CLEC4G: variants seen among roughly 807,000 people sequenced by gnomAD.
The protein encoded by CLEC4G is C-type lectin domain family 4 member G, also known as C-type lectin superfamily 4, member G.
In CLEC4G, 34 loss-of-function variants were observed where a neutral mutation model predicts 37.0. The ratio of observed to expected loss-of-function variants is 0.92; its 90% CI spans 0.70 to 1.22. CLEC4G has a LOEUF of 1.22. Ranked by LOEUF, CLEC4G falls within the 50% of genes most tolerant of loss-of-function variation. The pLI, the probability that CLEC4G is intolerant of heterozygous loss-of-function variation, is 0.00. For missense variants in CLEC4G, 390 were observed against 392.9 expected (o/e 0.99, Z 0.06); for synonymous variants, 167 against 165.6 (o/e 1.01, Z -0.06).
At position 7,731,690 on chromosome 19, in the gene CLEC4G, G is replaced by T; in HGVS notation, c.137C>A (p.Ala46Asp). The change falls in exon 2 of 9, where the codon GCT (alanine) becomes GAT (aspartate). Residue 46 changes from alanine to aspartate, a missense_variant. Transcript: ENST00000328853. ...LAVLVTTVLW[A>D]VILSILLSKA... ...GGACAATAGGATACTCAGAATCACA[G>T]CCCAAAGGACTGTGGTGACCAGGAC... 1 of 1,614,106 alleles carries T rather than the reference G, an allele frequency of 6.2e-7. No individual in the cohort carries two copies. The highest frequency in any genetic ancestry group is 1.1e-5 in the South Asian group (1 of 91,076).
Position 7,729,900 on chromosome 19 carries a change from A to G in CLEC4G, c.664T>C (p.Trp222Arg), listed in dbSNP as rs1178468842. Residue 222 changes from tryptophan (W) to arginine (R), a missense_variant, in exon 8 of 9, where the codon TGG (tryptophan) becomes CGG (arginine). Coordinates refer to ENST00000328853, the MANE Select transcript of CLEC4G (RefSeq NM_198492.4). The part of the protein sequence containing the change: ...LTRNTRGRGY[W>R]LGLRAVRHLG... ...TGGCGCACAGCCCTCAGGCCCAGCCAGTAACCACGGCCACGCGTGTTCCGA... is the reference window on the plus strand; with the variant it reads ...TGGCGCACAGCCCTCAGGCCCAGCCGGTAACCACGGCCACGCGTGTTCCGA... 2 of 1,614,052 alleles carry G rather than the reference A, an allele frequency of 1.2e-6. No individual in the cohort carries two copies. The highest frequency in any genetic ancestry group is 1.3e-5 in the African/African-American group (1 of 74,928).
intron 1 of CLEC4G, 133 bp downstream of exon 1, chr19:7,731,915 C>A: frequency 6.7e-7 from 1 of 1,487,274 alleles, no homozygotes; most frequent in East Asian, 2.4e-5. Flanking sequence ...GAATTGGACC[C>A]TGGTCCAACT....
In CLEC4G at chr19:7,729,949, G is replaced by T; in HGVS notation, c.628-13C>A. 6.2e-7 allele frequency: 1 copy of T among 1,613,586 alleles called. No individual in the cohort carries two copies. Among genetic ancestry groups the T allele is most frequent in the Non-Finnish European group, 8.5e-7 (1 of 1,179,868 alleles). On this transcript the variant is annotated splice_polypyrimidine_tract_variant and intron_variant, in intron 7 of 8. Coordinates refer to ENST00000328853, the MANE Select transcript of CLEC4G (RefSeq NM_198492.4). ...GAGTGAGGAAGCCCTAGAAAGGAGG[G>T]GACATCTGAGCCTGCAGAGTCCGCC...
chr19:7,731,224 C>G (rs933129735), intron 3 of CLEC4G, 42 bp downstream of exon 3: 94 of 1,576,072 alleles, frequency 6.0e-5, no homozygotes, highest in Non-Finnish European at 7.6e-5. Context: ...AAACTCCCGC[C>G]CCTCACGCCC....
Position 7,732,044 on chromosome 19 carries a change from A to T in CLEC4G, c.55+4T>A. On this transcript the variant is annotated splice_donor_region_variant and intron_variant, in intron 1 of 8. Transcript: ENST00000328853. The stretch of plus-strand genomic sequence containing the variant: ...CAGGGATGGGGCAGTCTCCTTGCTC[A>T]TACCTCCGGGGACCTCCTCGGAGCT... The T allele has an allele frequency of 6.2e-7, 1 of 1,602,900 alleles. No individual in the cohort carries two copies. The highest frequency in any genetic ancestry group is 1.7e-4 in the Middle Eastern group (1 of 6,034).
Position 7,730,909 on chromosome 19 carries a change from C to CTTCG in CLEC4G, c.284-54_284-51dup. 3.9e-6 allele frequency: 6 copies of CTTCG among 1,519,274 alleles called. No individual in the cohort carries two copies. The highest frequency in any genetic ancestry group is 5.3e-6 in the Non-Finnish European group (6 of 1,139,040). The allele number at this position is 1,519,274 out of a possible 1,614,324, so 94.1% of individuals were successfully genotyped here. A position where few individuals can be genotyped will look rare whatever the true frequency, so the allele number is the denominator to read the frequency against. On this transcript the variant is annotated intron_variant, in intron 4 of 8. Coordinates refer to ENST00000328853, the MANE Select transcript of CLEC4G (RefSeq NM_198492.4). This position sits in a 1 kb window ranked among gnomAD's most constrained non-coding sequence, Gnocchi z 7.3. ...CGAGGGCGGCGAGGATGGGGCGGGA[C>CTTCG]TTCGGAGACCAGCCCCCGCCCCGCA...
intron 2 of CLEC4G, 120 bp from the exon 3 acceptor site, chr19:7,731,439 G>A: frequency 6.7e-7 from 1 of 1,491,060 alleles, no homozygotes; most frequent in African/African-American, 1.4e-5. Context: ...CAGCTCACAC[G>A]ATGTGCACAC....
chr19:7,729,989 C>A (rs757283246), intron 7 of CLEC4G, 30 bp downstream of exon 7: 2 of 1,602,032 alleles, frequency 1.2e-6, no homozygotes, highest in Non-Finnish European at 1.7e-6. Context: ...CCTGCCCCAC[C>A]GCCTGACCAC....
Position 7,729,816 on chromosome 19 carries a change from C to T in CLEC4G, c.743+5G>A. On this transcript the variant is annotated splice_donor_5th_base_variant and intron_variant, in intron 8 of 8. Transcript: ENST00000328853. ...CCCAGGTCTCACCAGGAGCCTTTCC[C>T]TCACCTGAAGCTGAGAGAGACTCCG... The T allele has an allele frequency of 3.1e-6, 5 of 1,614,074 alleles. No individual in the cohort carries two copies. Among genetic ancestry groups the T allele is most frequent in the South Asian group, 2.2e-5 (2 of 91,070 alleles).
chr19:7,729,840 C>T lies in CLEC4G; in HGVS notation c.724G>A (p.Gly242Arg), dbSNP rs866056649. 1.2e-6 allele frequency: 2 copies of T among 1,614,158 alleles called. No individual in the cohort carries two copies. Among genetic ancestry groups the T allele is most frequent in the East Asian group, 2.2e-5 (1 of 44,874 alleles). ...CCTCACCTGAAGCTGAGAGAGACTC[C>T]GTCCACCCACTGGTAGCCCTGAACC... ...GKVQGYQWVDGVSLSFSHWNQ... is the reference protein window; with the variant it reads ...GKVQGYQWVDRVSLSFSHWNQ... The change falls in exon 8 of 9, where the codon GGA becomes AGA. Residue 242 changes from glycine (G) to arginine (R), a missense_variant. Transcript: ENST00000328853.
chr19:7,730,549 A>G lies in CLEC4G; in HGVS notation c.389-109T>C. On this transcript the variant is annotated intron_variant, in intron 5 of 8. Transcript: ENST00000328853. This position sits in a 1 kb window ranked among gnomAD's most constrained non-coding sequence, Gnocchi z 7.3. ...CTGTGGTCATTGTACCCTCGGTGCC[A>G]GCGTCCAGGATGGCACAGGGTCAAG... 1 of 1,494,530 alleles carries G rather than the reference A, an allele frequency of 6.7e-7. No homozygotes were observed. Among genetic ancestry groups the G allele is most frequent in the Non-Finnish European group, 8.9e-7 (1 of 1,126,186 alleles). The allele number at this position is 1,494,530 out of a possible 1,614,324, so 92.6% of individuals were successfully genotyped here. A position where few individuals can be genotyped will look rare whatever the true frequency, so the allele number is the denominator to read the frequency against.
At position 7,729,936 on chromosome 19, in the gene CLEC4G, C is replaced by G; in HGVS notation, c.628G>C (p.Gly210Arg). 6.2e-7 allele frequency: 1 copy of G among 1,613,944 alleles called. No homozygotes were observed. Among genetic ancestry groups the G allele is most frequent in the Non-Finnish European group, 8.5e-7 (1 of 1,179,974 alleles). The change falls in exon 8 of 9, where the codon GGC (glycine) becomes CGC (arginine). Residue 210 changes from glycine (G) to arginine (R), a missense_variant and splice_region_variant. Physicochemically the swap from Gly to Arg is moderately radical, Grantham distance 125. Transcript: ENST00000328853. ...CCACGCGTGTTCCGAGTGAGGAAGC[C>G]CTAGAAAGGAGGGGACATCTGAGCC... ...LVIVGGLDEQGFLTRNTRGRG... is the reference protein window; with the variant it reads ...LVIVGGLDEQRFLTRNTRGRG...
At position 7,730,585 on chromosome 19, in the gene CLEC4G, A is replaced by C. The variant is rs918094131; in HGVS notation, c.389-145T>G. 8 of 1,453,546 alleles carry C rather than the reference A, an allele frequency of 5.5e-6. No individual in the cohort carries two copies. The African/African-American group carries it at 8.5e-5, about 15-fold the overall frequency. 90.0% of individuals were successfully genotyped at this position (1,453,546 alleles called of 1,614,324 possible). On this transcript the variant is annotated intron_variant, in intron 5 of 8. Transcript: ENST00000328853. The surrounding 1 kb of genome is among the most constrained non-coding windows in gnomAD (Gnocchi z 7.3). ...TGGCACAGGGTCAAGGGCGGTTACA[A>C]CTGGGCAGGGTCCGGGTGTGGCCGG...
rs2033420517 is a variant in CLEC4G, at chr19:7,730,926, C to CT, written c.284-68_284-67insA. The CT allele has an allele frequency of 1.4e-6, 2 of 1,478,890 alleles. No individual in the cohort carries two copies. The highest frequency in any genetic ancestry group is 2.9e-5 in the African/African-American group (2 of 69,220). The allele number at this position is 1,478,890 out of a possible 1,614,324, so 91.6% of individuals were successfully genotyped here. On this transcript the variant is annotated intron_variant, in intron 4 of 8. Transcript: ENST00000328853. This position sits in a 1 kb window ranked among gnomAD's most constrained non-coding sequence, Gnocchi z 7.3. ...GGGCGGGACTTCGGAGACCAGCCCC[C>CT]GCCCCGCACCACCCGCCGCAGGCCT...
At chr19:7,731,433 T>G in intron 2 of CLEC4G, 114 bp from the exon 3 acceptor site, 1 of 1,495,050 alleles carries the variant, frequency 6.7e-7, no homozygotes, top group Non-Finnish European at 8.9e-7. Context: ...GGCATACAGC[T>G]CACACGATGT....
rs530592775 is a variant in CLEC4G, at chr19:7,732,017, G to A, written c.55+31C>T. ...TCCCCCATCAAACCCCAGACACTGG[G>A]GCAGGGATGGGGCAGTCTCCTTGCT... On this transcript the variant is annotated intron_variant, in intron 1 of 8. Transcript: ENST00000328853. The A allele has an allele frequency of 3.2e-6, 5 of 1,560,272 alleles. No individual in the cohort carries two copies. In the East Asian group the frequency reaches 6.7e-5, roughly 21 times the overall value.
At chr19:7,731,385 C>T (rs1021662436) in intron 2 of CLEC4G, 66 bp from the exon 3 acceptor site, 3 of 1,526,488 alleles carry the variant, frequency 2.0e-6, no homozygotes, top group Non-Finnish European at 2.6e-6. Context: ...CCGGGGGGTG[C>T]AGCGTCCCCC....
chr19:7,729,924 G>A lies in CLEC4G; in HGVS notation c.640C>T (p.Arg214Trp), dbSNP rs1346519848. 3.7e-6 allele frequency: 6 copies of A among 1,614,108 alleles called. No homozygotes were observed. Among genetic ancestry groups the A allele is most frequent in the Non-Finnish European group, 5.1e-6 (6 of 1,180,024 alleles). Residue 214 changes from arginine to tryptophan, a missense_variant, in exon 8 of 9, where the codon CGG becomes TGG. Transcript: ENST00000328853. ...GGLDEQGFLT[R>W]NTRGRGYWLG... ...CAGTAACCACGGCCACGCGTGTTCC[G>A]AGTGAGGAAGCCCTAGAAAGGAGGG...
chr19:7,731,250 C>T lies in CLEC4G; in HGVS notation c.220+16G>A. 2 of 1,584,526 alleles carry T rather than the reference C, an allele frequency of 1.3e-6. No individual in the cohort carries two copies. The highest frequency in any genetic ancestry group is 1.7e-6 in the Non-Finnish European group (2 of 1,167,476). ...CCTCACGCCCCGGGGGCCCAGGCGC[C>T]CGGCTCTGCACACACCGTTTGTCCT... On this transcript the variant is annotated intron_variant, in intron 3 of 8. Transcript: ENST00000328853.
Sources: gnomAD v4.1 joint callset for allele counts on GRCh38, gnomAD v4.1.1 for gene constraint, Gnocchi (gnomAD v3.1) non-coding constraint, MANE v1.5 for transcripts, NCBI Gene and HGNC (gene_info 2026-07-23, HGNC 2026-07-21) for gene names.